The following KSR2 variants were observed in gnomAD, a reference collection of about 807,000 sequenced individuals.
KSR2 encodes the protein kinase suppressor of ras 2.
A neutral mutation model predicts 107.8 loss-of-function variants in KSR2; 25 were observed. The ratio of observed to expected loss-of-function variants is 0.23; its 90% CI spans 0.17 to 0.32. The LOEUF (loss-of-function observed/expected upper bound fraction) is 0.32, where lower values mean the gene tolerates loss of function less well. Ranked by LOEUF, KSR2 falls within the 10% of genes least tolerant of loss-of-function variation. The pLI is 1.00. For missense variants in KSR2, 887 were observed against 1,268.9 expected (o/e 0.70, Z 4.57); for synonymous variants, 480 against 507.0 (o/e 0.95, Z 0.71).
At chr12:117,521,901 G>A (rs767059461) in intron 14 of KSR2, among the ~76,000 whole-genome samples, 10 of 152,268 alleles carry the variant, frequency 6.6e-5, no homozygotes, top group Middle Eastern at 3.4e-3. Flanking sequence ...GCCAACAAGT[G>A]GACAGTGCTG....
chr12:117,673,581 G>A (rs628186), intron 4 of KSR2, among the ~76,000 whole-genome samples: 59,238 of 151,904 alleles, frequency 0.39, 14,140 homozygotes, highest in Middle Eastern at 0.55. Context: ...TTAGAGTAGG[G>A]TGGAAAGAAA....
chr12:117,482,701 TCTC>T (rs945329253), intron 16 of KSR2, among the ~76,000 whole-genome samples: 1 of 152,138 alleles, frequency 6.6e-6, no homozygotes, highest in African/African-American at 2.4e-5. Context: ...TTCTTCCTCT[TCTC>T]CTTGTGGCTT....
At chr12:117,715,557 C>T (rs962349238) in intron 4 of KSR2, among the ~76,000 whole-genome samples, 1 of 152,194 alleles carries the variant, frequency 6.6e-6, no homozygotes, top group African/African-American at 2.4e-5. Flanking sequence ...AATCCCCATA[C>T]AGTTGTTTAA....
intron 4 of KSR2, among the ~76,000 whole-genome samples, chr12:117,731,745 G>A (rs940552540): frequency 1.3e-5 from 2 of 151,740 alleles, no homozygotes; most frequent in South Asian, 2.1e-4. Context: ...CCCCAACCCC[G>A]TGCTCTCTGA....
At chr12:117,958,344 C>A (rs748294456) in intron 1 of KSR2, among the ~76,000 whole-genome samples, 10 of 152,194 alleles carry the variant, frequency 6.6e-5, no homozygotes, top group Non-Finnish European at 1.2e-4. Flanking sequence ...CTTTCCAACA[C>A]TGCTGGTGAA....
chr12:117,643,671 GTCTGCAGACTGGTC>G, intron 5 of KSR2, among the ~76,000 whole-genome samples: 1 of 152,238 alleles, frequency 6.6e-6, no homozygotes, highest in Middle Eastern at 3.4e-3. Context: ...CCTAACCCTG[GTCTGCAGACTGGTC>G]TCTGTATCCT....
At chr12:117,646,555 T>C (rs1883653257) in intron 5 of KSR2, among the ~76,000 whole-genome samples, 1 of 152,062 alleles carries the variant, frequency 6.6e-6, no homozygotes, top group Non-Finnish European at 1.5e-5. Flanking sequence ...AGCCAAAGCC[T>C]GGAGGGTTTG....
chr12:117,740,585 G>A (rs1285336201), intron 4 of KSR2, among the ~76,000 whole-genome samples: 16 of 66,284 alleles, frequency 2.4e-4, no homozygotes, highest in South Asian at 8.2e-4. Context: ...TATTATATAT[G>A]TACTATATAC....
intron 1 of KSR2, among the ~76,000 whole-genome samples, chr12:117,925,984 G>A (rs1300187307): frequency 6.6e-6 from 1 of 152,096 alleles, no homozygotes; most frequent in Non-Finnish European, 1.5e-5. Context: ...ATCACTTGAG[G>A]TCAGGAGTTC....
chr12:117,810,214 C>A, intron 3 of KSR2, among the ~76,000 whole-genome samples: 1 of 152,056 alleles, frequency 6.6e-6, no homozygotes, highest in East Asian at 1.9e-4. Flanking sequence ...AACAAAGAAC[C>A]CACATAATTC....
At chr12:117,926,910 C>A (rs187475935) in intron 1 of KSR2, among the ~76,000 whole-genome samples, 2 of 152,102 alleles carry the variant, frequency 1.3e-5, no homozygotes, top group African/African-American at 4.8e-5. Context: ...CTCTGTGCCT[C>A]GGTTTTGTCA....
chr12:117,703,111 G>C (rs543346249), intron 4 of KSR2, among the ~76,000 whole-genome samples: 1 of 147,978 alleles, frequency 6.8e-6, no homozygotes, highest in Admixed American at 6.7e-5. Flanking sequence ...ACCAGGGTCA[G>C]AGAGAGAGAG....
intron 5 of KSR2, among the ~76,000 whole-genome samples, chr12:117,621,846 T>C (rs1262494201): frequency 6.6e-6 from 1 of 152,062 alleles, no homozygotes; most frequent in Non-Finnish European, 1.5e-5. Flanking sequence ...ATAATAATCA[T>C]AATGCAGACC....
chr12:117,607,673 A>AAGGGGAGGG (rs1881356841), intron 5 of KSR2, among the ~76,000 whole-genome samples: 1 of 145,712 alleles, frequency 6.9e-6, no homozygotes, highest in Admixed American at 6.7e-5. Context: ...AGAGGAGAGG[A>AAGGGGAGGG]GAGGAGAGGA....
At chr12:117,728,555 G>A (rs1188511850) in intron 4 of KSR2, among the ~76,000 whole-genome samples, 1 of 152,156 alleles carries the variant, frequency 6.6e-6, no homozygotes. Context: ...CCACACTTCA[G>A]GAATAATCTT....
intron 1 of KSR2, among the ~76,000 whole-genome samples, chr12:117,905,905 A>T (rs1020456771): frequency 3.9e-5 from 6 of 151,970 alleles, no homozygotes; most frequent in Non-Finnish European, 7.4e-5. Flanking sequence ...GGACGATAGT[A>T]CATAATAATT....
At position 117,757,054 on chromosome 12, in the gene KSR2, C is replaced by CAA. The variant is rs58452409; in HGVS notation, c.986+3955_986+3956dup. On this transcript the variant is annotated intron_variant, in intron 4 of 19. Transcript: ENST00000339824. ...TGGGTGACAGAGTGAGACTCCATCT[C>CAA]AAAAAAAAAAAAAAAGAATCTTCTG... Among the ~76,000 whole-genome samples the CAA allele has an allele frequency of 7.0e-3, 964 of 137,366 alleles. 11 individuals are homozygous for CAA. Among genetic ancestry groups the CAA allele is most frequent in the African/African-American group, 0.021 (788 of 36,778 alleles). 90.1% of individuals were successfully genotyped at this position (137,366 alleles called of 152,430 possible). A position where few individuals can be genotyped will look rare whatever the true frequency, so the allele number is the denominator to read the frequency against.
intron 4 of KSR2, among the ~76,000 whole-genome samples, chr12:117,696,515 C>T (rs632568): frequency 5.3e-5 from 8 of 151,220 alleles, no homozygotes; most frequent in South Asian, 4.2e-4. Context: ...TAGCACTGGT[C>T]GGGGGGAGTA....
chr12:117,688,017 T>C (rs1014490008), intron 4 of KSR2, among the ~76,000 whole-genome samples: 1 of 152,204 alleles, frequency 6.6e-6, no homozygotes, highest in Admixed American at 6.5e-5. Context: ...AGTTGGCTTC[T>C]GTTGTTTGCA....
Sources: allele counts gnomAD v4.1 joint callset (sites outside exome capture counted in the v4.1 genomes callset), GRCh38; gene constraint gnomAD v4.1.1; transcripts MANE v1.5; gene names NCBI Gene and HGNC (gene_info 2026-07-23, HGNC 2026-07-21).